The following GOT2 variants were observed in gnomAD, a reference collection of about 807,000 sequenced individuals.
GOT2 encodes the protein glutamic-oxaloacetic transaminase 2.
A neutral mutation model predicts 50.0 loss-of-function variants in GOT2; 17 were observed. The observed-to-expected ratio is 0.34, with a 90% CI of 0.23 to 0.51. GOT2 has a LOEUF of 0.51. GOT2 is among the 20% of genes least tolerant of loss of function. GOT2 has a pLI of 0.97. For synonymous variants in GOT2, 172 were observed against 204.9 expected, an observed-to-expected ratio of 0.84 and a Z score of 1.37; for missense variants, 430 against 559.6, an observed-to-expected ratio of 0.77 and a Z score of 2.34.
intron 1 of GOT2, among the ~76,000 whole-genome samples, chr16:58,727,915 A>G (rs986143964): frequency 5.3e-5 from 8 of 152,190 alleles, no homozygotes; most frequent in African/African-American, 1.9e-4. Flanking sequence ...GTATGGTACC[A>G]TGGAAGTTCT....
At chr16:58,728,599 T>C (rs2044806342) in intron 1 of GOT2, among the ~76,000 whole-genome samples, 1 of 152,188 alleles carries the variant, frequency 6.6e-6, no homozygotes. Flanking sequence ...TCTCTTTAAA[T>C]ACAAAGCAAA....
intron 1 of GOT2, among the ~76,000 whole-genome samples, chr16:58,726,333 C>T (rs2044783050): frequency 6.6e-6 from 1 of 151,950 alleles, no homozygotes; most frequent in Non-Finnish European, 1.5e-5. Context: ...TTACAAACTC[C>T]TGCCACCATG....
At chr16:58,733,063 A>G (rs1029707845) in intron 1 of GOT2, among the ~76,000 whole-genome samples, 1 of 152,224 alleles carries the variant, frequency 6.6e-6, no homozygotes, top group Non-Finnish European at 1.5e-5. Context: ...ACGAAAGGCC[A>G]AGCTACGCTT....
intron 8 of GOT2, among the ~76,000 whole-genome samples, chr16:58,714,702 C>T (rs185549320): frequency 6.6e-6 from 1 of 151,868 alleles, no homozygotes; most frequent in East Asian, 1.9e-4. Context: ...CACAGCAAGA[C>T]TGTTTAAAAA....
In GOT2 at chr16:58,723,898, A is replaced by G. The variant is rs752980444; in HGVS notation, c.94T>C (p.Trp32Arg). Residue 32 changes from tryptophan to arginine, a missense_variant, in exon 2 of 10, where the codon TGG becomes CGG. Physicochemically the swap from Trp to Arg is moderately radical, Grantham distance 101 (BLOSUM62 -3). Coordinates refer to ENST00000245206, the MANE Select transcript of GOT2 (RefSeq NM_002080.4). ...AAAASARASS[W>R]WTHVEMGPPD... ...GGTCCCATTTCCACATGGGTCCACCAGGAGCTGAAATGAGAAACACATTAG... is the reference window on the plus strand; with the variant it reads ...GGTCCCATTTCCACATGGGTCCACCGGGAGCTGAAATGAGAAACACATTAG... 1.9e-6 allele frequency: 3 copies of G among 1,613,018 alleles called. No individual in the cohort carries two copies. The highest frequency in any genetic ancestry group is 1.1e-5 in the South Asian group (1 of 90,988).
chr16:58,715,779 C>T (rs867902467), intron 8 of GOT2, among the ~76,000 whole-genome samples: 2 of 152,166 alleles, frequency 1.3e-5, no homozygotes, highest in Admixed American at 6.6e-5. Flanking sequence ...CTCGAACTCC[C>T]GACCTCAGGT....
intron 3 of GOT2, among the ~76,000 whole-genome samples, chr16:58,720,502 C>T (rs773231988): frequency 1.3e-5 from 2 of 151,944 alleles, no homozygotes; most frequent in Non-Finnish European, 2.9e-5. Context: ...AATAGTTTGT[C>T]CTGCAAGCTT....
intron 8 of GOT2, among the ~76,000 whole-genome samples, chr16:58,715,065 T>C (rs764386199): frequency 2.6e-4 from 39 of 152,150 alleles, no homozygotes; most frequent in South Asian, 6.2e-4. Context: ...AAAAACAAGC[T>C]GAGTGCAGTG....
intron 8 of GOT2, among the ~76,000 whole-genome samples, chr16:58,710,738 C>G (rs191396318): frequency 0.049 from 2,918 of 59,328 alleles, 114 homozygotes; most frequent in African/African-American, 0.14. Context: ...AAAAATTAGC[C>G]GGGCGGATCA....
chr16:58,731,389 C>T (rs1009767780), intron 1 of GOT2, among the ~76,000 whole-genome samples: 2 of 152,174 alleles, frequency 1.3e-5, no homozygotes, highest in African/African-American at 4.8e-5. Flanking sequence ...AGCAATCCAC[C>T]TGCCTCAGCC....
intron 3 of GOT2, chr16:58,721,557 A>T (rs182881025): frequency 9.8e-5 from 15 of 152,378 alleles, no homozygotes; most frequent in African/African-American, 3.6e-4. Context: ...ATGTAAAATG[A>T]ACATAAGCAG....
In GOT2 at chr16:58,708,250, T is replaced by C. The variant is rs2044618532; in HGVS notation, c.1214A>G (p.Asp405Gly). ...GACCCCTGCCACAGAGATGCGGCCA[T>C]CTTTTGTCATGTAGATGGAGAACTC... ...IKEFSIYMTK[D>G]GRISVAGVTS... The change falls in exon 10 of 10, where the codon GAT becomes GGT. Residue 405 changes from aspartate to glycine, a missense_variant. Asp to Gly is a moderately conservative substitution (Grantham distance 94). Coordinates refer to ENST00000245206, the MANE Select transcript of GOT2 (RefSeq NM_002080.4). 2 of 1,614,038 alleles carry C rather than the reference T, an allele frequency of 1.2e-6. No homozygotes were observed. The highest frequency in any genetic ancestry group is 1.7e-5 in the Admixed American group (1 of 60,006).
rs371835929 is a variant in GOT2 at position 58,708,347 on chromosome 16, G to A, written c.1171-54C>T. 6.9e-4 allele frequency: 1,091 copies of A among 1,571,842 alleles called. 16 individuals carry two copies. The South Asian group carries it at 0.012, about 17-fold the overall frequency. On this transcript the variant is annotated intron_variant, in intron 9 of 9. Coordinates refer to ENST00000245206, the MANE Select transcript of GOT2 (RefSeq NM_002080.4). ...CTTCCCGGTACAGGGGATTCTCCCC[G>A]GCCTGACATGGCACAGTAGCCAACT...
chr16:58,722,224 C>A lies in GOT2; in HGVS notation c.301G>T (p.Gly101Ter). Residue 101 changes from glycine (G) to a stop codon, truncating the protein, a stop_gained, in exon 3 of 10, where the codon GGA becomes TGA. Transcript: ENST00000245206. LOFTEE classifies it high-confidence loss of function. Reference sequence around the variant, plus strand: ...GATGCCTTGCAAAATTCAGCCAGTCCCCCAATGGGCAGGTATTCCTTGTCC... The same window carrying A: ...GATGCCTTGCAAAATTCAGCCAGTCACCCAATGGGCAGGTATTCCTTGTCC... ...NLDKEYLPIG[G>*]LAEFCKASAE... is the part of the protein sequence containing the mutation. 6.2e-7 allele frequency: 1 copy of A among 1,612,948 alleles called. No individual in the cohort carries two copies. The highest frequency in any genetic ancestry group is 8.5e-7 in the Non-Finnish European group (1 of 1,179,886).
At chr16:58,708,356 T>C (rs573007474) in intron 9 of GOT2, 63 bp from the exon 10 acceptor site, 3 of 1,545,780 alleles carry the variant, frequency 1.9e-6, no homozygotes, top group Non-Finnish European at 2.7e-6. Flanking sequence ...CGGCCTGACA[T>C]GGCACAGTAG....
rs141685688 is a variant in GOT2, at chr16:58,713,498, A to G, written c.1019+2516T>C. On this transcript the variant is annotated intron_variant, in intron 8 of 9. Coordinates refer to ENST00000245206, the MANE Select transcript of GOT2 (RefSeq NM_002080.4). ...TATAAAAAATCAAAAGGAAAAAACA[A>G]AACAAAACAAAACAAAAAACAAAAA... Among the ~76,000 whole-genome samples, 33 of 152,244 alleles carry G rather than the reference A, an allele frequency of 2.2e-4. No homozygotes were observed. The East Asian group carries it at 6.4e-3, about 29-fold the overall frequency.
chr16:58,727,219 C>G (rs1299720131), intron 1 of GOT2, among the ~76,000 whole-genome samples: 1 of 152,176 alleles, frequency 6.6e-6, no homozygotes, highest in Non-Finnish European at 1.5e-5. Flanking sequence ...GCCTTGACCT[C>G]CTAGACTCAA....
Position 58,707,830 on chromosome 16 carries a change from C to G in GOT2, c.*341G>C. The G allele has an allele frequency of 5.6e-6, 1 of 178,536 alleles. No individual in the cohort carries two copies. Among genetic ancestry groups the G allele is most frequent in the South Asian group, 1.3e-4 (1 of 7,784 alleles). The allele number at this position is 178,536 out of a possible 1,614,324, so 11.1% of individuals were successfully genotyped here. Reference sequence around the variant, plus strand: ...AACGTGTGCTGTTTCTCACGAGGAACCTGACACTTCAGTTAAAGCTTCTGA... The same window carrying G: ...AACGTGTGCTGTTTCTCACGAGGAAGCTGACACTTCAGTTAAAGCTTCTGA... On this transcript the variant is annotated 3_prime_UTR_variant, in exon 10 of 10. Coordinates refer to ENST00000245206, the MANE Select transcript of GOT2 (RefSeq NM_002080.4).
intron 1 of GOT2, among the ~76,000 whole-genome samples, chr16:58,725,571 CTTTG>C (rs1382689783): frequency 1.3e-5 from 2 of 152,046 alleles, no homozygotes; most frequent in African/African-American, 2.4e-5. Context: ...ATTTATATAC[CTTTG>C]TTTATTTTTA....
Sources: allele counts gnomAD v4.1 joint callset (sites outside exome capture counted in the v4.1 genomes callset), GRCh38; gene constraint gnomAD v4.1.1; transcripts MANE v1.5; gene names NCBI Gene and HGNC (gene_info 2026-07-23, HGNC 2026-07-21).